CPXM2: variants seen among roughly 807,000 people sequenced by gnomAD.
The protein encoded by CPXM2 is inactive carboxypeptidase-like protein X2.
A neutral mutation model predicts 86.1 loss-of-function variants in CPXM2; 66 were observed. That is an observed-to-expected ratio of 0.77 (90% confidence interval 0.63 to 0.94). The LOEUF (loss-of-function observed/expected upper bound fraction) is 0.94, where lower values mean the gene tolerates loss of function less well. Among genes scored for constraint, CPXM2 ranks in the 40% least tolerant of loss-of-function variants. CPXM2 has a pLI of 0.00. For missense variants in CPXM2, 948 were observed against 1,026.3 expected, an observed-to-expected ratio of 0.92 and a Z score of 1.04; for synonymous variants, 388 against 400.2, an observed-to-expected ratio of 0.97 and a Z score of 0.36.
At chr10:123,794,675 T>C (rs959924977) in intron 6 of CPXM2, among the ~76,000 whole-genome samples, 1 of 147,186 alleles carries the variant, frequency 6.8e-6, no homozygotes, top group Non-Finnish European at 1.5e-5. Flanking sequence ...AAAAGAGGAC[T>C]TTCTTTTATT....
At chr10:123,848,990 T>G (rs1482554589) in intron 3 of CPXM2, among the ~76,000 whole-genome samples, 1 of 152,220 alleles carries the variant, frequency 6.6e-6, no homozygotes, top group East Asian at 1.9e-4. Context: ...CCTTTATGTT[T>G]AGTATGTGCC....
chr10:123,810,356 A>C (rs1480157898), intron 4 of CPXM2, among the ~76,000 whole-genome samples: 1 of 152,062 alleles, frequency 6.6e-6, no homozygotes, highest in African/African-American at 2.4e-5. Context: ...CAACAAAAAT[A>C]GCAAAAATAT....
At chr10:123,909,664 A>G (rs1054510804) in intron 2 of CPXM2, among the ~76,000 whole-genome samples, 10 of 152,218 alleles carry the variant, frequency 6.6e-5, no homozygotes, top group African/African-American at 9.6e-5. Flanking sequence ...TCAGCCCTCA[A>G]TGACTCAAAT....
chr10:123,850,574 T>C (rs1848579578), intron 3 of CPXM2, among the ~76,000 whole-genome samples: 1 of 152,236 alleles, frequency 6.6e-6, no homozygotes, highest in South Asian at 2.1e-4. Context: ...CCATCTTGGT[T>C]ATCAAAGAGC....
chr10:123,808,583 T>G (rs546522590), intron 4 of CPXM2, among the ~76,000 whole-genome samples: 30 of 152,284 alleles, frequency 2.0e-4, no homozygotes, highest in Admixed American at 3.9e-4. Context: ...CACAGTGGTA[T>G]CCACTGGTTC....
At chr10:123,878,312 T>C (rs199786258) in intron 2 of CPXM2, among the ~76,000 whole-genome samples, 2 of 137,140 alleles carry the variant, frequency 1.5e-5, no homozygotes, top group African/African-American at 5.2e-5. Context: ...TTTTTTTTTT[T>C]TTTTTTTTTT....
chr10:123,901,981 C>A (rs1034058335), intron 2 of CPXM2, among the ~76,000 whole-genome samples: 6 of 152,210 alleles, frequency 3.9e-5, no homozygotes, highest in Non-Finnish European at 8.8e-5. Context: ...TTCCTCCGAA[C>A]TGTTTTCCAG....
chr10:123,929,940 C>G (rs1023155581), intron 2 of CPXM2, among the ~76,000 whole-genome samples: 4 of 152,214 alleles, frequency 2.6e-5, no homozygotes, highest in African/African-American at 9.6e-5. Context: ...GTGCCCAGAG[C>G]TGCTGCTGAA....
chr10:123,913,375 AAT>A (rs142975586), intron 2 of CPXM2, among the ~76,000 whole-genome samples: 4,037 of 152,264 alleles, frequency 0.027, 186 homozygotes, highest in African/African-American at 0.087. Context: ...ACAAGGCTAG[AAT>A]ATATGTCTCA....
intron 6 of CPXM2, among the ~76,000 whole-genome samples, chr10:123,784,185 CA>C (rs745538459): frequency 3.3e-5 from 5 of 152,228 alleles, no homozygotes; most frequent in Admixed American, 6.5e-5. Flanking sequence ...TGGACACACA[CA>C]GGGGGAACAC....
At chr10:123,875,445 T>C (rs1318436389) in intron 2 of CPXM2, among the ~76,000 whole-genome samples, 1 of 152,176 alleles carries the variant, frequency 6.6e-6, no homozygotes, top group African/African-American at 2.4e-5. Flanking sequence ...TCATGTCTAC[T>C]GTGTCGGTAA....
rs553594440 is a variant in CPXM2 at position 123,885,390 on chromosome 10, A to T, written c.305-5081T>A. Among the ~76,000 whole-genome samples, 4 of 152,244 alleles carry T rather than the reference A, an allele frequency of 2.6e-5. No homozygotes were observed. The highest frequency in any genetic ancestry group is 6.5e-5 in the Admixed American group (1 of 15,290). ...CATCGTGAGGAACTGATGCTTGGAG[A>T]AGTCACAAATGCCCATGAGTGGCAG... is the stretch of plus-strand genomic sequence containing the variant. On this transcript the variant is annotated intron_variant, in intron 1 of 13. Coordinates refer to ENST00000241305, the MANE Select transcript of CPXM2 (RefSeq NM_198148.3). The surrounding 1 kb of genome is among the most constrained non-coding windows in gnomAD (Gnocchi z 4.0).
Position 123,754,404 on chromosome 10 carries a change from G to A in CPXM2, c.2017+259C>T, listed in dbSNP as rs1305806200. On this transcript the variant is annotated intron_variant, in intron 13 of 13. Coordinates refer to ENST00000241305, the MANE Select transcript of CPXM2 (RefSeq NM_198148.3). This position sits in a 1 kb window ranked among gnomAD's most constrained non-coding sequence, Gnocchi z 4.0. ...ACAGAGCTGCTTCCTCAACTCCTTA[G>A]AAACTTCCACTGTGCCTGGAGGCCA... Among the ~76,000 whole-genome samples the A allele has an allele frequency of 6.6e-6, 1 of 152,178 alleles. No homozygotes were observed. Among genetic ancestry groups the A allele is most frequent in the Admixed American group, 6.5e-5 (1 of 15,274 alleles).
At position 123,867,527 on chromosome 10, in the gene CPXM2, CTTTTTTTTTT is replaced by C. The variant is rs34482126; in HGVS notation, c.404-4814_404-4805del. 1.2e-4 allele frequency among the ~76,000 whole-genome samples: 11 copies of C among 92,924 alleles called. No individual in the cohort carries two copies. In the East Asian group the frequency reaches 1.9e-3, roughly 16 times the overall value. The allele number at this position is 92,924 out of a possible 152,430, so 61.0% of individuals were successfully genotyped here. The stretch of plus-strand genomic sequence containing the variant: ...AGAGCGTCATCCTAGAGATTTCTTT[CTTTTTTTTTT>C]TTTTTTTTTTTTTGAGAAGGAGTTT... On this transcript the variant is annotated intron_variant, in intron 2 of 13. Transcript: ENST00000241305.
At chr10:123,922,955 T>C (rs1197923170) in intron 2 of CPXM2, among the ~76,000 whole-genome samples, 3 of 152,154 alleles carry the variant, frequency 2.0e-5, no homozygotes, top group Non-Finnish European at 4.4e-5. Context: ...AGTGAACAGA[T>C]TACTCACTGT....
intron 4 of CPXM2, among the ~76,000 whole-genome samples, chr10:123,815,273 C>A (rs1847790668): frequency 6.6e-6 from 1 of 152,108 alleles, no homozygotes; most frequent in African/African-American, 2.4e-5. Context: ...CTAAGTTTGC[C>A]CTGAGTGACA....
chr10:123,871,421 T>A (rs1227976100), intron 2 of CPXM2, among the ~76,000 whole-genome samples: 1 of 152,342 alleles, frequency 6.6e-6, no homozygotes. Flanking sequence ...CCATTCTTTA[T>A]ACGTTGCTTA....
rs1003642349 is a variant in CPXM2 at position 123,771,120 on chromosome 10, C to T, written c.979-81G>A. ...ACAGAGCTCCCAAGAAAACGGACAC[C>T]TCTTGCTTTCCTCCACAGCCTCCCA... On this transcript the variant is annotated intron_variant, in intron 7 of 13. Transcript: ENST00000241305. The T allele has an allele frequency of 2.0e-5, 27 of 1,378,756 alleles. No individual in the cohort carries two copies. The African/African-American group carries it at 3.3e-4, about 17-fold the overall frequency. 85.4% of individuals were successfully genotyped at this position (1,378,756 alleles called of 1,614,324 possible). A position where few individuals can be genotyped will look rare whatever the true frequency, so the allele number is the denominator to read the frequency against.
At chr10:123,927,631 A>T (rs1945634975) in intron 2 of CPXM2, among the ~76,000 whole-genome samples, 1 of 152,194 alleles carries the variant, frequency 6.6e-6, no homozygotes, top group Non-Finnish European at 1.5e-5. Flanking sequence ...CCTGTTGCTC[A>T]TGCGGCCTTA....
Sources: allele counts gnomAD v4.1 joint callset (sites outside exome capture counted in the v4.1 genomes callset), GRCh38; gene constraint gnomAD v4.1.1; non-coding constraint Gnocchi (gnomAD v3.1); transcripts MANE v1.5; gene names NCBI Gene and HGNC (gene_info 2026-07-23, HGNC 2026-07-21).